PLXNA2: variants seen among roughly 807,000 people sequenced by gnomAD.
PLXNA2 encodes the protein plexin-A2.
A neutral mutation model predicts 193.5 loss-of-function variants in PLXNA2; 91 were observed. The ratio of observed to expected loss-of-function variants is 0.47; its 90% confidence interval spans 0.40 to 0.56. The LOEUF (loss-of-function observed/expected upper bound fraction) is 0.56. Among genes scored for constraint, PLXNA2 ranks in the 20% least tolerant of loss-of-function variants. The pLI is 0.00. For synonymous variants in PLXNA2, 997 were observed against 1,027.3 expected, an observed-to-expected ratio of 0.97 and a Z score of 0.56; for missense variants, 1,995 against 2,503.2, an observed-to-expected ratio of 0.80 and a Z score of 4.33.
rs1238704093 is a variant in PLXNA2 at position 208,046,048 on chromosome 1, C to G, written c.3325G>C (p.Gly1109Arg). 1 of 1,614,116 alleles carries G rather than the reference C, an allele frequency of 6.2e-7. No homozygotes were observed. Among genetic ancestry groups the G allele is most frequent in the Non-Finnish European group, 8.5e-7 (1 of 1,180,054 alleles). Reference sequence around the variant, plus strand: ...TCTGGGCGTTCCACAGTGTCCAGGCCAGGGCGGTAGTCCGTGGTCAGAGAG... The same window carrying G: ...TCTGGGCGTTCCACAGTGTCCAGGCGAGGGCGGTAGTCCGTGGTCAGAGAG... ...APSLTTDYRPGLDTVERPDEF... is the reference protein window; with the variant it reads ...APSLTTDYRPRLDTVERPDEF... The change falls in exon 18 of 32, where the codon GGC becomes CGC. Residue 1109 changes from glycine (G) to arginine (R), a missense_variant. Gly to Arg is a moderately radical substitution (Grantham distance 125). This residue lies in a region of PLXNA2 where 1,291 missense variants were observed against 1,673.6 expected (regional missense o/e 0.77). Coordinates refer to ENST00000367033, the MANE Select transcript of PLXNA2 (RefSeq NM_025179.4).
Position 208,217,252 on chromosome 1 carries a change from G to A in PLXNA2, c.671C>T (p.Ser224Phe), listed in dbSNP as rs1243245068. ...GGTGTCTGAAGGGATCTTGATGAGA[G>A]AGGAGACAAAATCGCTGTGTAGCTC... ...DYELHSDFVS[S>F]LIKIPSDTLA... The change falls in exon 2 of 32, where the codon TCT (serine) becomes TTT (phenylalanine). Residue 224 changes from serine (S) to phenylalanine (F), a missense_variant. Ser to Phe is a radical substitution (Grantham distance 155). This residue lies in a region of PLXNA2 where 702 missense variants were observed against 812.9 expected (regional missense o/e 0.86). Transcript: ENST00000367033. This position sits in a 1 kb window ranked among gnomAD's most constrained non-coding sequence, Gnocchi z 4.7. The A allele has an allele frequency of 6.2e-7, 1 of 1,614,198 alleles. No individual in the cohort carries two copies. The highest frequency in any genetic ancestry group is 1.3e-5 in the African/African-American group (1 of 75,046).
intron 16 of PLXNA2, 30 bp downstream of exon 16, chr1:208,051,226 C>T: frequency 6.3e-7 from 1 of 1,597,128 alleles, no homozygotes; most frequent in Non-Finnish European, 8.6e-7. Context: ...GGGTGGCTTC[C>T]AGGTGCATCC....
At chr1:208,125,326 C>T (rs1667941106) in intron 4 of PLXNA2, among the ~76,000 whole-genome samples, 1 of 152,192 alleles carries the variant, frequency 6.6e-6, no homozygotes. Context: ...GCCCTGAAGT[C>T]CCCATGCTCT....
Position 208,090,140 on chromosome 1 carries a change from T to C in PLXNA2, c.2097+2646A>G, listed in dbSNP as rs181870627. Among the ~76,000 whole-genome samples the C allele has an allele frequency of 1.5e-3, 229 of 152,242 alleles. 3 individuals carry two copies. The highest frequency in any genetic ancestry group is 5.2e-3 in the African/African-American group (217 of 41,548). On this transcript the variant is annotated intron_variant, in intron 9 of 31. Transcript: ENST00000367033. ...ACCCTGTTTCCTTTCCTGAGCAAAG[T>C]TGGGAGCTGGATGGAGTCTGGGCTT... is the stretch of plus-strand genomic sequence containing the variant.
At chr1:208,100,470 T>C (rs777535557) in intron 5 of PLXNA2, among the ~76,000 whole-genome samples, 3 of 152,122 alleles carry the variant, frequency 2.0e-5, no homozygotes, top group Admixed American at 1.3e-4. Context: ...GCCATGACAG[T>C]GTTAGCCCTT....
chr1:208,171,273 GT>G (rs1438207689), intron 3 of PLXNA2, among the ~76,000 whole-genome samples: 1 of 152,174 alleles, frequency 6.6e-6, no homozygotes, highest in African/African-American at 2.4e-5. Context: ...AAGGGCTGGG[GT>G]ACTTTCAGTC....
At chr1:208,084,716 G>C (rs1194771921) in intron 9 of PLXNA2, 136 bp from the exon 10 acceptor site, 1 of 756,658 alleles carries the variant, frequency 1.3e-6, no homozygotes. Context: ...CGTGGAATGG[G>C]CAGGGAAAAT....
At chr1:208,192,550 G>C (rs1482652176) in intron 3 of PLXNA2, among the ~76,000 whole-genome samples, 1 of 152,112 alleles carries the variant, frequency 6.6e-6, no homozygotes, top group East Asian at 1.9e-4. Flanking sequence ...GGGTGGAGTT[G>C]GGAGTTGGGA....
At position 208,028,848 on chromosome 1, in the gene PLXNA2, T is replaced by C; in HGVS notation, c.5420A>G (p.Tyr1807Cys). 6.2e-7 allele frequency: 1 copy of C among 1,613,976 alleles called. No homozygotes were observed. Among genetic ancestry groups the C allele is most frequent in the Non-Finnish European group, 8.5e-7 (1 of 1,179,930 alleles). Residue 1807 changes from tyrosine (Y) to cysteine (C), a missense_variant, in exon 30 of 32, where the codon TAC (tyrosine) becomes TGC (cysteine). Tyr to Cys is a radical substitution (Grantham distance 194). Around this residue, in one of 3 missense-constraint regions of PLXNA2, gnomAD observed 1,291 missense variants for 1,673.6 expected, o/e 0.77. Transcript: ENST00000367033. The surrounding 1 kb of genome is among the most constrained non-coding windows in gnomAD (Gnocchi z 4.2). Reference sequence around the variant, plus strand: ...TACTGACCTCTCCACCCAGCTCTTGTAGCTGGGGATGTCCTTGGCATAGAG... The same window carrying C: ...TACTGACCTCTCCACCCAGCTCTTGCAGCTGGGGATGTCCTTGGCATAGAG... Reference protein sequence around the residue: ...KLLYAKDIPSYKSWVERYYAD... With the variant: ...KLLYAKDIPSCKSWVERYYAD...
chr1:208,071,248 C>T (rs1665967093), intron 12 of PLXNA2, among the ~76,000 whole-genome samples: 1 of 152,256 alleles, frequency 6.6e-6, no homozygotes. Flanking sequence ...TGTTCATACT[C>T]TGTATTAAAA....
chr1:208,113,546 CTTTT>C (rs397695261), intron 4 of PLXNA2, among the ~76,000 whole-genome samples: 1 of 105,710 alleles, frequency 9.5e-6, no homozygotes, highest in African/African-American at 3.7e-5. Flanking sequence ...CTCTCTCTCT[CTTTT>C]TTTTTTTTTT....
At chr1:208,071,651 T>C (rs1665981930) in intron 12 of PLXNA2, among the ~76,000 whole-genome samples, 1 of 152,230 alleles carries the variant, frequency 6.6e-6, no homozygotes, top group African/African-American at 2.4e-5. Flanking sequence ...GCTGGCTCTG[T>C]CTTAGCTGAT....
chr1:208,072,351 G>A (rs1666002920), intron 12 of PLXNA2, among the ~76,000 whole-genome samples: 1 of 152,202 alleles, frequency 6.6e-6, no homozygotes. Context: ...TGTGCCAGGT[G>A]ACTTCAGGAA....
At chr1:208,234,790 G>T (rs1415580498) in intron 1 of PLXNA2, among the ~76,000 whole-genome samples, 1 of 152,186 alleles carries the variant, frequency 6.6e-6, no homozygotes, top group Non-Finnish European at 1.5e-5. Flanking sequence ...GGAAAGAAAA[G>T]GTAGCTAAGT....
intron 12 of PLXNA2, among the ~76,000 whole-genome samples, chr1:208,071,326 G>C: frequency 6.6e-6 from 1 of 152,336 alleles, no homozygotes; most frequent in East Asian, 1.9e-4. Flanking sequence ...CAGGACCAAC[G>C]AGTGAGGACA....
intron 3 of PLXNA2, among the ~76,000 whole-genome samples, chr1:208,157,752 G>T (rs1668981897): frequency 6.6e-6 from 1 of 152,208 alleles, no homozygotes; most frequent in Non-Finnish European, 1.5e-5. Flanking sequence ...AGCCACGGGG[G>T]TGGAGGAGAA....
chr1:208,210,193 A>T, intron 3 of PLXNA2, 87 bp downstream of exon 3: 1 of 1,435,206 alleles, frequency 7.0e-7, no homozygotes. Flanking sequence ...GCCTATAGTT[A>T]AATCTCCACC....
intron 3 of PLXNA2, among the ~76,000 whole-genome samples, chr1:208,190,444 G>C (rs1018402475): frequency 6.6e-6 from 1 of 152,162 alleles, no homozygotes. Flanking sequence ...TATGTTGCAG[G>C]GCTGTTAGAA....
intron 28 of PLXNA2, among the ~76,000 whole-genome samples, chr1:208,033,107 G>A (rs1302819612): frequency 6.6e-6 from 1 of 150,664 alleles, no homozygotes; most frequent in Non-Finnish European, 1.5e-5. Context: ...TGTTGCCCAG[G>A]CTGGTCCCAT....
Sources: gnomAD v4.1 joint callset for allele counts (sites outside exome capture counted in the v4.1 genomes callset) on GRCh38, gnomAD v4.1.1 for gene constraint, gnomAD v4.1.1 regional missense constraint, Gnocchi (gnomAD v3.1) non-coding constraint, MANE v1.5 for transcripts, NCBI Gene and HGNC (gene_info 2026-07-23, HGNC 2026-07-21) for gene names.